Variants in ENSA observed in about 807,000 individuals in gnomAD.
The protein encoded by ENSA is alpha-endosulfine.
Under a neutral mutation model 16.8 loss-of-function variants are expected in ENSA, and 7 were observed. The ratio of observed to expected loss-of-function variants is 0.42; its 90% CI spans 0.24 to 0.78. The LOEUF (loss-of-function observed/expected upper bound fraction) is 0.78. ENSA is among the 30% of genes least tolerant of loss of function. The pLI, the probability that ENSA is intolerant of heterozygous loss-of-function variation, is 0.29. For missense variants in ENSA, 87 were observed against 142.3 expected, an observed-to-expected ratio of 0.61 and a Z score of 1.98; for synonymous variants, 58 against 53.4, an observed-to-expected ratio of 1.09 and a Z score of -0.37.
intron 3 of ENSA, chr1:150,623,902 T>C (rs2101736175): frequency 5.1e-6 from 5 of 985,502 alleles, no homozygotes; most frequent in South Asian, 4.7e-5. Context: ...GCCTGAACAC[T>C]GAATGGCCAG....
At chr1:150,624,541 C>G (rs1023342558) in intron 3 of ENSA, 2 of 985,884 alleles carry the variant, frequency 2.0e-6, no homozygotes, top group African/African-American at 3.5e-5. Flanking sequence ...TGGGCTGGGT[C>G]AGAGGCAAGA....
intron 2 of ENSA, chr1:150,626,372 G>T: frequency 1.1e-5 from 11 of 1,039,284 alleles, no homozygotes; most frequent in Non-Finnish European, 1.2e-5. Context: ...GTGACAGCCT[G>T]CCCACGCCTG....
rs1649042984 is a variant in ENSA at position 150,622,660 on chromosome 1, T to A, written c.*184A>T. The A allele has an allele frequency of 2.3e-6, 1 of 435,106 alleles. No homozygotes were observed. Among genetic ancestry groups the A allele is most frequent in the South Asian group, 1.1e-4 (1 of 9,378 alleles). 27.0% of individuals were successfully genotyped at this position (435,106 alleles called of 1,614,324 possible). A position where few individuals can be genotyped will look rare whatever the true frequency, so the allele number is the denominator to read the frequency against. The stretch of plus-strand genomic sequence containing the variant: ...AAACAAAAAAGGTTCAAGGTCTTGG[T>A]GCTCAGCCCAAGGGGCTCCATGTGC... On this transcript the variant is annotated 3_prime_UTR_variant, in exon 4 of 4. Transcript: ENST00000369014.
intron 2 of ENSA, among the ~76,000 whole-genome samples, chr1:150,626,221 T>C (rs1294591011): frequency 6.6e-6 from 1 of 152,208 alleles, no homozygotes; most frequent in Non-Finnish European, 1.5e-5. Context: ...TATGGGGCTA[T>C]CCTAGCCACC....
chr1:150,627,202 A>G, intron 2 of ENSA: 1 of 1,498,498 alleles, frequency 6.7e-7, no homozygotes, highest in Non-Finnish European at 8.9e-7. Context: ...TCTGCATTTC[A>G]GTTTCTAACA....
rs1434415642 is a variant in ENSA at position 150,629,241 on chromosome 1, A to G, written c.57+173T>C. ...TACAGTACTGAGTGACAAACGACCCAACTAACCAGCGCCAAAGCAGCATGT... is the reference window on the plus strand; with the variant it reads ...TACAGTACTGAGTGACAAACGACCCGACTAACCAGCGCCAAAGCAGCATGT... On this transcript the variant is annotated intron_variant, in intron 1 of 3. Transcript: ENST00000369014. 2.0e-6 allele frequency: 3 copies of G among 1,529,992 alleles called. No homozygotes were observed. The African/African-American group carries it at 4.1e-5, about 21-fold the overall frequency. 94.8% of individuals were successfully genotyped at this position (1,529,992 alleles called of 1,614,324 possible). A position where few individuals can be genotyped will look rare whatever the true frequency, so the allele number is the denominator to read the frequency against.
chr1:150,621,622 A>C (rs1649003942), downstream of ENSA: 1 of 152,208 alleles, frequency 6.6e-6, no homozygotes, highest in Non-Finnish European at 1.5e-5. Context: ...TTACATTCAC[A>C]GGCAGCTTTT....
chr1:150,622,941 C>A, intron 3 of ENSA, 82 bp from the exon 4 acceptor site: 1 of 1,482,924 alleles, frequency 6.7e-7, no homozygotes, highest in South Asian at 1.3e-5. Context: ...CCAACCCAGT[C>A]TCTACCCCAT....
At chr1:150,624,589 C>T (rs1181102372) in intron 3 of ENSA, 2 of 985,510 alleles carry the variant, frequency 2.0e-6, no homozygotes, top group South Asian at 4.7e-5. Flanking sequence ...TTTTTTTTGA[C>T]CCTCAAGACT....
intron 1 of ENSA, chr1:150,629,015 T>C (rs765281094): frequency 1.2e-6 from 2 of 1,603,432 alleles, no homozygotes; most frequent in South Asian, 2.2e-5. Context: ...CCCCTATCTT[T>C]GCGGATTGAG....
intron 3 of ENSA, chr1:150,623,954 C>T (rs1290052077): frequency 2.0e-6 from 2 of 985,282 alleles, no homozygotes; most frequent in Non-Finnish European, 2.4e-6. Context: ...CCCACATGCA[C>T]ATCAGCAAGT....
At chr1:150,625,973 T>C (rs1649279470) in intron 2 of ENSA, among the ~76,000 whole-genome samples, 165 bp from the exon 3 acceptor site, 2 of 152,236 alleles carry the variant, frequency 1.3e-5, no homozygotes, top group Admixed American at 1.3e-4. Context: ...TAATTACATG[T>C]ACTTATGTCT....
At chr1:150,626,461 C>T (rs1483855717) in intron 2 of ENSA, 2 of 1,608,544 alleles carry the variant, frequency 1.2e-6, no homozygotes, top group Admixed American at 1.7e-5. Context: ...GGATCCTCCA[C>T]AGGGATGTTT....
intron 3 of ENSA, chr1:150,624,208 T>A: frequency 1.0e-6 from 1 of 985,608 alleles, no homozygotes; most frequent in Non-Finnish European, 1.2e-6. Context: ...CCTCTCCTCA[T>A]GATAAAAGAG....
chr1:150,623,180 A>C, intron 3 of ENSA: 1 of 1,151,668 alleles, frequency 8.7e-7, no homozygotes, highest in Admixed American at 4.5e-5. Flanking sequence ...GGCTCAGAGC[A>C]GGCTGTTTCA....
At chr1:150,624,991 C>G in intron 3 of ENSA, 3 of 985,346 alleles carry the variant, frequency 3.0e-6, no homozygotes, top group Non-Finnish European at 3.6e-6. Context: ...AAGCAACATG[C>G]TGGAAGAGAG....
At position 150,629,220 on chromosome 1, in the gene ENSA, G is replaced by C. The variant is rs904346583; in HGVS notation, c.57+194C>G. On this transcript the variant is annotated intron_variant, in intron 1 of 3. Transcript: ENST00000369014. ...CTATTGGCCAATCAGGAAGAGTACAGTACTGAGTGACAAACGACCCAACTA... is the reference window on the plus strand; with the variant it reads ...CTATTGGCCAATCAGGAAGAGTACACTACTGAGTGACAAACGACCCAACTA... 7 of 1,560,984 alleles carry C rather than the reference G, an allele frequency of 4.5e-6. No individual in the cohort carries two copies. In the Admixed American group the frequency reaches 5.3e-5, roughly 12 times the overall value.
At chr1:150,622,924 C>G (rs1649061250) in intron 3 of ENSA, 65 bp from the exon 4 acceptor site, 3 of 1,525,710 alleles carry the variant, frequency 2.0e-6, no homozygotes, top group Non-Finnish European at 2.6e-6. Flanking sequence ...GAAAAAAACC[C>G]TGAACTCCAA....
At chr1:150,629,087 A>G in intron 1 of ENSA, 1 of 1,613,634 alleles carries the variant, frequency 6.2e-7, no homozygotes, top group Middle Eastern at 1.7e-4. Flanking sequence ...CACACATCAC[A>G]CCCAAGACCA....
Sources: gnomAD v4.1 joint callset for allele counts (sites outside exome capture counted in the v4.1 genomes callset) on GRCh38, gnomAD v4.1.1 for gene constraint, MANE v1.5 for transcripts, NCBI Gene and HGNC (gene_info 2026-07-23, HGNC 2026-07-21) for gene names.